Variants in IGHMBP2 observed in about 807,000 individuals in gnomAD.
IGHMBP2 encodes the protein DNA-binding protein SMUBP-2.
A neutral mutation model predicts 96.0 loss-of-function variants in IGHMBP2; 81 were observed. That is an observed-to-expected ratio of 0.84 (90% CI 0.71 to 1.01). The LOEUF (loss-of-function observed/expected upper bound fraction) is 1.01. IGHMBP2 is among the 50% of genes least tolerant of loss of function. The pLI is 0.00. For synonymous variants in IGHMBP2, 557 were observed against 548.9 expected, an observed-to-expected ratio of 1.01 and a Z score of -0.21; for missense variants, 1,227 against 1,306.3, an observed-to-expected ratio of 0.94 and a Z score of 0.94.
chr11:68,924,153 G>GA (rs1858979004), intron 7 of IGHMBP2, among the ~76,000 whole-genome samples: 2 of 152,220 alleles, frequency 1.3e-5, no homozygotes, highest in Admixed American at 1.3e-4. Context: ...GGCTGGGGGG[G>GA]TTGTTATTTG....
In IGHMBP2 at chr11:68,908,093, G is replaced by GAATAA. The variant is rs1858273945; in HGVS notation, c.257-51_257-50insATAAA. The GAATAA allele has an allele frequency of 6.5e-6, 9 of 1,374,382 alleles. No individual in the cohort carries two copies. In the East Asian group the frequency reaches 2.1e-4, roughly 31 times the overall value. 85.1% of individuals were successfully genotyped at this position (1,374,382 alleles called of 1,614,324 possible). On this transcript the variant is annotated intron_variant, in intron 2 of 14. Coordinates refer to ENST00000255078, the MANE Select transcript of IGHMBP2 (RefSeq NM_002180.3). The stretch of plus-strand genomic sequence containing the variant: ...TATAGTGGATTTTATTACAGAAAAT[G>GAATAA]ATATTGAAGCTTTCCCCAGTGTCTT...
rs1016913219 is a variant in IGHMBP2, at chr11:68,903,945, C to T, written c.-8C>T. On this transcript the variant is annotated 5_prime_UTR_variant, in exon 1 of 15. Transcript: ENST00000255078. ...GTCGGCTTCTAGGGGCCCAGGCCGG[C>T]GGCGGCGATGGCCTCGGCAGCTGTG... 1 of 1,578,280 alleles carries T rather than the reference C, an allele frequency of 6.3e-7. No homozygotes were observed. The highest frequency in any genetic ancestry group is 8.6e-7 in the Non-Finnish European group (1 of 1,162,254).
intron 1 of IGHMBP2, among the ~76,000 whole-genome samples, chr11:68,905,461 C>A (rs1480154151): frequency 6.6e-6 from 1 of 152,156 alleles, no homozygotes; most frequent in Non-Finnish European, 1.5e-5. Context: ...CAGCGTGGTG[C>A]CAAGGACAGA....
At chr11:68,906,477 C>T (rs1191690489) in intron 2 of IGHMBP2, 25 of 548,434 alleles carry the variant, frequency 4.6e-5, no homozygotes, top group African/African-American at 1.1e-4. Flanking sequence ...TTGTAATTGC[C>T]GCAGATACAG....
intron 7 of IGHMBP2, among the ~76,000 whole-genome samples, chr11:68,927,318 G>T (rs1335699332): frequency 6.6e-6 from 1 of 152,198 alleles, no homozygotes; most frequent in Non-Finnish European, 1.5e-5. Context: ...ATACAACTTA[G>T]TGGCCAGCTA....
At position 68,939,564 on chromosome 11, in the gene IGHMBP2, C is replaced by T. The variant is rs764557314; in HGVS notation, c.2815C>T (p.His939Tyr). The T allele has an allele frequency of 1.9e-6, 3 of 1,612,492 alleles. No homozygotes were observed. The highest frequency in any genetic ancestry group is 2.2e-5 in the East Asian group (1 of 44,886). Residue 939 changes from histidine to tyrosine, a missense_variant, in exon 15 of 15, where the codon CAT (histidine) becomes TAT (tyrosine). Coordinates refer to ENST00000255078, the MANE Select transcript of IGHMBP2 (RefSeq NM_002180.3). ...TGGCTGCGGTGAGAGGGCTCGCGCC[C>T]ATGCCCGGCAGAGAATCAGCCGGGA... ...IHGCGERARA[H>Y]ARQRISREGV...
intron 7 of IGHMBP2, among the ~76,000 whole-genome samples, chr11:68,923,569 G>T (rs1166844480): frequency 1.3e-5 from 2 of 152,106 alleles, no homozygotes; most frequent in African/African-American, 4.8e-5. Flanking sequence ...ATCCTTTTGA[G>T]TCTTGCTTTT....
chr11:68,930,198 C>A, intron 8 of IGHMBP2: 3 of 1,228,142 alleles, frequency 2.4e-6, no homozygotes, highest in Non-Finnish European at 3.1e-6. Context: ...AGAAAGTTGT[C>A]CCTGAGGAAT....
chr11:68,908,179 G>A lies in IGHMBP2; in HGVS notation c.291G>A (p.Glu97=). The stretch of plus-strand genomic sequence containing the variant: ...TGGGCCTGTACGATGCTGCTAATGA[G>A]GGCAGTCAGCTGGCCACTGGGATCT... ...DIVGLYDAAN[E]GSQLATGILT... The change falls in exon 3 of 15, where the codon GAG becomes GAA. Residue 97 remains glutamate, a synonymous_variant. Transcript: ENST00000255078. 1 of 1,613,978 alleles carries A rather than the reference G, an allele frequency of 6.2e-7. No individual in the cohort carries two copies. Among genetic ancestry groups the A allele is most frequent in the African/African-American group, 1.3e-5 (1 of 74,984 alleles).
In IGHMBP2 at chr11:68,913,612, G is replaced by A. The variant is rs143115084; in HGVS notation, c.712-1211G>A. On this transcript the variant is annotated intron_variant, in intron 5 of 14. Transcript: ENST00000255078. ...GCATGAGCCACCGTACTTGGCCAGC[G>A]TCTCACTTTTAATAGTGGAGCTGTG... Among the ~76,000 whole-genome samples the A allele has an allele frequency of 2.4e-3, 359 of 151,334 alleles. 2 individuals carry two copies. The highest frequency in any genetic ancestry group is 8.3e-3 in the African/African-American group (345 of 41,374).
Position 68,908,697 on chromosome 11 carries a change from C to T in IGHMBP2, c.547+66C>T, listed in dbSNP as rs1025388353. On this transcript the variant is annotated intron_variant, in intron 4 of 14. Transcript: ENST00000255078. ...CTGAAAGTATAGAGAACAGTGTGAC[C>T]TTGGGCCGTTTTAATAAGAGTTTGA... 85 of 1,116,438 alleles carry T rather than the reference C, an allele frequency of 7.6e-5. 1 individual carries two copies. In the South Asian group the frequency reaches 1.1e-3, roughly 14 times the overall value. The allele number at this position is 1,116,438 out of a possible 1,614,324, so 69.2% of individuals were successfully genotyped here.
rs1373247548 is a variant in IGHMBP2 at position 68,937,055 on chromosome 11, C to T, written c.2575C>T (p.Gln859Ter). 3.1e-6 allele frequency: 5 copies of T among 1,602,726 alleles called. No homozygotes were observed. Among genetic ancestry groups the T allele is most frequent in the Non-Finnish European group, 4.2e-6 (5 of 1,179,884 alleles). The change falls in exon 13 of 15, where the codon CAG (glutamine) becomes TAG (stop). Residue 859 changes from glutamine (Q) to a stop codon, truncating the protein, a stop_gained. Transcript: ENST00000255078. LOFTEE classifies it high-confidence loss of function. Reference protein sequence around the residue: ...ASKEQQASGQQKLPEKKKKKA... With the variant: ...ASKEQQASGQ The stretch of plus-strand genomic sequence containing the variant: ...CAAGGAGCAGCAGGCCTCAGGGCAG[C>T]AGAAACTTCCAGAAAAGAAAAAGAA...
In IGHMBP2 at chr11:68,936,765, C is replaced by A. The variant is rs1057131188; in HGVS notation, c.2285C>A (p.Ala762Asp). Reference protein sequence around the residue: ...SHDRLRVHQIAEEHGLRHDSS... With the variant: ...SHDRLRVHQIDEEHGLRHDSS... ...GACAGGCTGCGGGTCCACCAAATAG[C>A]CGAGGAGCACGGGCTGAGGCACGAC... The change falls in exon 13 of 15, where the codon GCC becomes GAC. Residue 762 changes from alanine to aspartate, a missense_variant. Ala to Asp is a moderately radical substitution (Grantham distance 126). Around this residue, in one of 3 missense-constraint regions of IGHMBP2, gnomAD observed 703 missense variants for 770.3 expected, o/e 0.91. Transcript: ENST00000255078. The A allele has an allele frequency of 1.2e-6, 2 of 1,614,100 alleles. No homozygotes were observed. The highest frequency in any genetic ancestry group is 8.5e-7 in the Non-Finnish European group (1 of 1,180,046).
At chr11:68,924,297 CAA>C (rs1482590542) in intron 7 of IGHMBP2, among the ~76,000 whole-genome samples, 1 of 152,194 alleles carries the variant, frequency 6.6e-6, no homozygotes, top group African/African-American at 2.4e-5. Context: ...GGAATCTTGT[CAA>C]CCACTCTTTT....
chr11:68,924,134 TA>T (rs963650691), intron 7 of IGHMBP2, among the ~76,000 whole-genome samples: 1 of 152,232 alleles, frequency 6.6e-6, no homozygotes, highest in Non-Finnish European at 1.5e-5. Context: ...AAAAAAATTT[TA>T]AATAACTGGC....
chr11:68,939,006 G>C (rs1253325873), intron 14 of IGHMBP2, among the ~76,000 whole-genome samples: 1 of 152,162 alleles, frequency 6.6e-6, no homozygotes, highest in Non-Finnish European at 1.5e-5. Flanking sequence ...GTGGGAGCTG[G>C]GCTGGGAAGG....
chr11:68,904,111 C>T (rs1393056803), intron 1 of IGHMBP2, 73 bp downstream of exon 1: 13 of 1,255,582 alleles, frequency 1.0e-5, no homozygotes, highest in Non-Finnish European at 1.5e-5. Context: ...CCGAGGGGCT[C>T]GGCCTCATAG....
intron 6 of IGHMBP2, 52 bp downstream of exon 6, chr11:68,915,075 CT>C (rs1023025835): frequency 7.1e-7 from 1 of 1,402,440 alleles, no homozygotes; most frequent in African/African-American, 1.5e-5. Flanking sequence ...GATCTGCAGT[CT>C]TTTTAAGGAG....
intron 5 of IGHMBP2, among the ~76,000 whole-genome samples, chr11:68,914,112 T>C (rs1488023858): frequency 6.6e-6 from 1 of 152,112 alleles, no homozygotes; most frequent in African/African-American, 2.4e-5. Context: ...ATCTTTGATA[T>C]TTTTTTGAGA....
Sources: allele counts gnomAD v4.1 joint callset (sites outside exome capture counted in the v4.1 genomes callset), GRCh38; gene constraint gnomAD v4.1.1; regional missense constraint gnomAD v4.1.1; transcripts MANE v1.5; gene names NCBI Gene and HGNC (gene_info 2026-07-23, HGNC 2026-07-21).